Variants in PPP6R2 observed in about 807,000 individuals in gnomAD.
PPP6R2 encodes serine/threonine-protein phosphatase 6 regulatory subunit 2.
In PPP6R2, 62 loss-of-function variants were observed where a neutral mutation model predicts 100.2. The ratio of observed to expected loss-of-function variants is 0.62; its 90% CI spans 0.50 to 0.76. The LOEUF (loss-of-function observed/expected upper bound fraction) is 0.76. Ranked by LOEUF, PPP6R2 falls within the 30% of genes least tolerant of loss-of-function variation. The pLI is 0.00. For missense variants in PPP6R2, 1,142 were observed against 1,276.3 expected (o/e 0.89, Z 1.60); for synonymous variants, 525 against 514.7 (o/e 1.02, Z -0.27).
intron 10 of PPP6R2, among the ~76,000 whole-genome samples, chr22:50,427,170 C>T (rs1372147583): frequency 7.0e-6 from 1 of 143,152 alleles, no homozygotes; most frequent in African/African-American, 2.6e-5. Context: ...GCCTGGGCAA[C>T]AGAGCGAGAT....
intron 1 of PPP6R2, among the ~76,000 whole-genome samples, chr22:50,367,912 A>G (rs2049093120): frequency 6.6e-6 from 1 of 152,172 alleles, no homozygotes; most frequent in Non-Finnish European, 1.5e-5. Context: ...GCTGTTATTT[A>G]TTGGATACAG....
chr22:50,382,083 CAG>C (rs1237768432), intron 2 of PPP6R2, among the ~76,000 whole-genome samples: 2 of 152,002 alleles, frequency 1.3e-5, no homozygotes, highest in Admixed American at 1.3e-4. Context: ...GGAAAGAAGA[CAG>C]GGTGCATGCT....
At chr22:50,403,666 C>A (rs2058396293) in intron 3 of PPP6R2, among the ~76,000 whole-genome samples, 1 of 152,324 alleles carries the variant, frequency 6.6e-6, no homozygotes, top group Middle Eastern at 3.4e-3. Flanking sequence ...TGTGCCCTGA[C>A]CCTACTCCAT....
At chr22:50,405,661 A>G (rs1294426065) in intron 3 of PPP6R2, among the ~76,000 whole-genome samples, 1 of 75,740 alleles carries the variant, frequency 1.3e-5, no homozygotes. Context: ...GAGAGGTGAG[A>G]GGCCTGGAGA....
intron 1 of PPP6R2, among the ~76,000 whole-genome samples, chr22:50,369,972 C>G (rs1230879180): frequency 6.9e-6 from 1 of 145,640 alleles, no homozygotes; most frequent in African/African-American, 2.6e-5. Context: ...TGGTCTTAAA[C>G]TCCAGCACTT....
chr22:50,403,606 G>A (rs760569371), intron 3 of PPP6R2, among the ~76,000 whole-genome samples: 24 of 152,136 alleles, frequency 1.6e-4, no homozygotes, highest in Admixed American at 2.6e-4. Flanking sequence ...AGCCCCCTGC[G>A]CCAGCTCTCA....
chr22:50,390,864 T>C (rs1302603222), intron 2 of PPP6R2, among the ~76,000 whole-genome samples: 1 of 150,490 alleles, frequency 6.6e-6, no homozygotes, highest in Non-Finnish European at 1.5e-5. Context: ...CTGGGCGTGG[T>C]GGCACACGCC....
At position 50,438,682 on chromosome 22, in the gene PPP6R2, C is replaced by T. The variant is rs1320134470; in HGVS notation, c.2048C>T (p.Ala683Val). Reference sequence around the variant, plus strand: ...CAGGATGGGAAGGCGAGCTTGGAAGCACACAGAGATGCACCTGGGGCAGGT... The same window carrying T: ...CAGGATGGGAAGGCGAGCTTGGAAGTACACAGAGATGCACCTGGGGCAGGT... Reference protein sequence around the residue: ...GGQDGKASLEAHRDAPGAGAP... With the variant: ...GGQDGKASLEVHRDAPGAGAP... The change falls in exon 19 of 24, where the codon GCA (alanine) becomes GTA (valine). Residue 683 changes from alanine (A) to valine (V), a missense_variant. Ala to Val is a moderately conservative substitution (Grantham distance 64). Coordinates refer to ENST00000612753, the MANE Select transcript of PPP6R2 (RefSeq NM_001242898.2). 2 of 1,613,958 alleles carry T rather than the reference C, an allele frequency of 1.2e-6. No homozygotes were observed. Among genetic ancestry groups the T allele is most frequent in the South Asian group, 2.2e-5 (2 of 91,086 alleles).
chr22:50,414,708 C>G lies in PPP6R2; in HGVS notation c.552+19C>G. The G allele has an allele frequency of 6.2e-7, 1 of 1,607,530 alleles. No homozygotes were observed. The highest frequency in any genetic ancestry group is 8.5e-7 in the Non-Finnish European group (1 of 1,177,774). On this transcript the variant is annotated intron_variant, in intron 5 of 23. Coordinates refer to ENST00000612753, the MANE Select transcript of PPP6R2 (RefSeq NM_001242898.2). ...CCTGCACGTGAGTGCGGGAGTCCCC[C>G]CCCGTTCCCGAGGGCAGGGGTGCTG...
chr22:50,350,626 A>T (rs949309980), intron 1 of PPP6R2, among the ~76,000 whole-genome samples: 1 of 151,726 alleles, frequency 6.6e-6, no homozygotes, highest in African/African-American at 2.4e-5. Context: ...CAGGCAGATC[A>T]CGAGGTCAGG....
upstream of PPP6R2, among the ~76,000 whole-genome samples, chr22:50,342,224 C>A (rs919423106): frequency 6.6e-6 from 1 of 152,242 alleles, no homozygotes; most frequent in South Asian, 2.1e-4. Context: ...CTGCTGAACG[C>A]AGGGTGTCTC....
chr22:50,353,448 C>T (rs897075669), intron 1 of PPP6R2, among the ~76,000 whole-genome samples: 16 of 152,184 alleles, frequency 1.1e-4, no homozygotes, highest in African/African-American at 3.4e-4. Flanking sequence ...TATATGGGCA[C>T]GGTTTGTAGT....
intron 2 of PPP6R2, among the ~76,000 whole-genome samples, chr22:50,377,913 A>G (rs771071621): frequency 6.6e-6 from 1 of 152,148 alleles, no homozygotes; most frequent in African/African-American, 2.4e-5. Context: ...AGGCTGAGGT[A>G]GGAGAATTGC....
At chr22:50,367,127 G>C (rs1230258651) in intron 1 of PPP6R2, among the ~76,000 whole-genome samples, 1 of 152,094 alleles carries the variant, frequency 6.6e-6, no homozygotes, top group Non-Finnish European at 1.5e-5. Context: ...GAAGAATGCT[G>C]ACCCACTTTC....
chr22:50,333,424 C>T, the PPP6R2 span, among the ~76,000 whole-genome samples: 1 of 151,834 alleles, frequency 6.6e-6, no homozygotes, highest in Non-Finnish European at 1.5e-5. Context: ...GCAAGCTCCG[C>T]CTCCCGGGTT....
At chr22:50,428,328 T>G (rs1362577893) in intron 10 of PPP6R2, among the ~76,000 whole-genome samples, 1 of 152,242 alleles carries the variant, frequency 6.6e-6, no homozygotes, top group Admixed American at 6.5e-5. Context: ...AGCTGCTTTT[T>G]TGTGTGTCAA....
intron 6 of PPP6R2, among the ~76,000 whole-genome samples, chr22:50,418,279 C>G (rs145464663): frequency 7.5e-4 from 114 of 151,958 alleles, no homozygotes; most frequent in African/African-American, 2.6e-3. Context: ...AAACTCTAAC[C>G]AGATCTACAT....
At chr22:50,339,302 GGT>G (rs1417810988), upstream of PPP6R2, among the ~76,000 whole-genome samples, 2 of 113,400 alleles carry the variant, frequency 1.8e-5, no homozygotes, top group Admixed American at 1.8e-4. Flanking sequence ...TGTGGTATGT[GGT>G]GTGTGTTGTG....
At chr22:50,381,239 C>T (rs932450333) in intron 2 of PPP6R2, among the ~76,000 whole-genome samples, 3 of 150,942 alleles carry the variant, frequency 2.0e-5, no homozygotes, top group African/African-American at 2.4e-5. Context: ...GGGCACCACA[C>T]GGGCCCCACC....
Sources: gnomAD v4.1 joint callset for allele counts (sites outside exome capture counted in the v4.1 genomes callset) on GRCh38, gnomAD v4.1.1 for gene constraint, MANE v1.5 for transcripts, NCBI Gene and HGNC (gene_info 2026-07-23, HGNC 2026-07-21) for gene names.